Variants in HIVEP2 observed in about 807,000 individuals in gnomAD.
The protein encoded by HIVEP2 is HIVEP zinc finger 2, also known as transcription factor HIVEP2.
HIVEP2 carries 14 observed loss-of-function variants against 180.7 expected under a neutral mutation model. The ratio of observed to expected loss-of-function variants is 0.08; its 90% CI spans 0.05 to 0.12. HIVEP2 has a LOEUF of 0.12. Among genes scored for constraint, HIVEP2 ranks in the 10% least tolerant of loss-of-function variants. The pLI is 1.00. For synonymous variants in HIVEP2, 1,184 were observed against 1,136.4 expected (o/e 1.04, Z -0.84); for missense variants, 2,579 against 3,008.5 (o/e 0.86, Z 3.34).
intron 3 of HIVEP2, among the ~76,000 whole-genome samples, chr6:142,778,182 G>A (rs1056666326): frequency 2.0e-5 from 3 of 152,198 alleles, no homozygotes; most frequent in African/African-American, 7.2e-5. Flanking sequence ...ATTTTTTGCT[G>A]TGCAATAATT....
chr6:142,768,539 G>A lies in HIVEP2; in HGVS notation c.5188-3C>T. On this transcript the variant is annotated splice_polypyrimidine_tract_variant and splice_region_variant and intron_variant, in intron 5 of 9. Transcript: ENST00000367603. ...AAAAAGGACGCATCAGGTTTCATCT[G>A]TAAGACAAGAAGAGAGAATCATTTC... The A allele has an allele frequency of 6.2e-7, 1 of 1,612,338 alleles. No individual in the cohort carries two copies. The highest frequency in any genetic ancestry group is 1.1e-5 in the South Asian group (1 of 90,852).
Position 142,851,628 on chromosome 6 carries a change from G to A in HIVEP2, c.-640-14581C>T, listed in dbSNP as rs151211104. ...ACAGCCTCACTGTAAGTGCTGGAGA[G>A]AGTTTTTTAATCCTTTAAGCCTGAG... On this transcript the variant is annotated intron_variant, in intron 1 of 9. Transcript: ENST00000367603. Among the ~76,000 whole-genome samples the A allele has an allele frequency of 1.4e-4, 22 of 152,348 alleles. No individual in the cohort carries two copies. In the East Asian group the frequency reaches 4.0e-3, roughly 28 times the overall value.
At chr6:142,837,880 T>C (rs1297540122) in intron 1 of HIVEP2, among the ~76,000 whole-genome samples, 1 of 152,068 alleles carries the variant, frequency 6.6e-6, no homozygotes, top group Non-Finnish European at 1.5e-5. Context: ...CTTCCCAAGG[T>C]AGACTTAGTA....
At chr6:142,872,251 T>C (rs1562273478) in intron 1 of HIVEP2, among the ~76,000 whole-genome samples, 1 of 152,200 alleles carries the variant, frequency 6.6e-6, no homozygotes. Context: ...CACTGAGAGC[T>C]TAGTAATTAA....
intron 2 of HIVEP2, among the ~76,000 whole-genome samples, chr6:142,820,712 T>A (rs1015574246): frequency 3.9e-5 from 6 of 152,316 alleles, no homozygotes; most frequent in African/African-American, 9.6e-5. Flanking sequence ...ATTTGAGCTA[T>A]ACCATCTGTC....
intron 1 of HIVEP2, among the ~76,000 whole-genome samples, chr6:142,923,547 A>G (rs551084075): frequency 6.6e-6 from 1 of 152,330 alleles, no homozygotes; most frequent in African/African-American, 2.4e-5. Context: ...GATTCCAAAT[A>G]ATATTCCAAT....
At chr6:142,926,192 A>G (rs1777805330) in intron 1 of HIVEP2, among the ~76,000 whole-genome samples, 1 of 152,252 alleles carries the variant, frequency 6.6e-6, no homozygotes, top group Non-Finnish European at 1.5e-5. Flanking sequence ...GTCTACCTCT[A>G]GCAAAATAAT....
At chr6:142,942,327 G>C (rs957533751) in intron 1 of HIVEP2, among the ~76,000 whole-genome samples, 9 of 151,694 alleles carry the variant, frequency 5.9e-5, no homozygotes. Context: ...TCTGGAATAA[G>C]ATTTTTCATT....
At chr6:142,858,633 C>T (rs1775890229) in intron 1 of HIVEP2, among the ~76,000 whole-genome samples, 1 of 151,790 alleles carries the variant, frequency 6.6e-6, no homozygotes, top group Non-Finnish European at 1.5e-5. Context: ...CTCTCGTTGC[C>T]CAGGCTGGAG....
At chr6:142,933,509 T>C (rs961454591) in intron 1 of HIVEP2, among the ~76,000 whole-genome samples, 5 of 152,172 alleles carry the variant, frequency 3.3e-5, no homozygotes, top group Non-Finnish European at 7.3e-5. Context: ...CCGACAAGAA[T>C]ATAGGAAAAG....
intron 2 of HIVEP2, among the ~76,000 whole-genome samples, chr6:142,790,884 C>A (rs1462990291): frequency 6.6e-6 from 1 of 152,172 alleles, no homozygotes; most frequent in African/African-American, 2.4e-5. Flanking sequence ...TCCCACATTT[C>A]ATGCTACAAA....
intron 3 of HIVEP2, among the ~76,000 whole-genome samples, chr6:142,777,648 CAAAAAAAAAAAAAAAAAAAAAAAAAA>C (rs58304452): frequency 3.6e-5 from 1 of 27,674 alleles, no homozygotes; most frequent in Non-Finnish European, 5.7e-5. Context: ...AACTCCATCT[CAAAAAAAAAAAAAAAAAAAAAAAAAA>C]AAAAAAAAAA....
chr6:142,914,086 A>T lies in HIVEP2; in HGVS notation c.-641+31013T>A, dbSNP rs188454677. On this transcript the variant is annotated intron_variant, in intron 1 of 9. Transcript: ENST00000367603. ...ATGGGCTCTGGCAGCAGCCCCTTGA[A>T]GCAGAACCTGAGCTAACACTGCGTA... is the stretch of plus-strand genomic sequence containing the variant. 1.8e-3 allele frequency among the ~76,000 whole-genome samples: 274 copies of T among 152,236 alleles called. 1 individual carries two copies. The highest frequency in any genetic ancestry group is 6.4e-3 in the African/African-American group (266 of 41,554).
chr6:142,780,771 C>T (rs1775839410), intron 3 of HIVEP2, among the ~76,000 whole-genome samples: 1 of 152,122 alleles, frequency 6.6e-6, no homozygotes, highest in Admixed American at 6.5e-5. Flanking sequence ...TGCTACTCCA[C>T]TCATGTTATA....
At position 142,772,699 on chromosome 6, in the gene HIVEP2, T is replaced by G; in HGVS notation, c.2040A>C (p.Pro680=). 2 of 1,614,238 alleles carry G rather than the reference T, an allele frequency of 1.2e-6. No homozygotes were observed. Among genetic ancestry groups the G allele is most frequent in the Non-Finnish European group, 1.7e-6 (2 of 1,180,042 alleles). Residue 680 remains proline, a synonymous_variant, in exon 5 of 10, where the codon CCA becomes CCC. Transcript: ENST00000367603. The surrounding 1 kb of genome is among the most constrained non-coding windows in gnomAD (Gnocchi z 4.9). Reference sequence around the variant, plus strand: ...CAAACATGCTTGGTACTCCCTGCAATGGCACCACGGGATCCATGAAATATT... The same window carrying G: ...CAAACATGCTTGGTACTCCCTGCAAGGGCACCACGGGATCCATGAAATATT... ...GGEYFMDPVV[P]LQGVPSMFGT...
rs759286792 is a variant in HIVEP2, at chr6:142,770,553, C to T, written c.4186G>A (p.Gly1396Arg). The T allele has an allele frequency of 3.7e-6, 6 of 1,614,194 alleles. No homozygotes were observed. The highest frequency in any genetic ancestry group is 8.5e-7 in the Non-Finnish European group (1 of 1,180,042). ...GIGFNIAQVL[G>R]QHAGLEKYPI... is the part of the protein sequence containing the mutation. ...TACTTCTCCAAGCCCGCATGCTGCC[C>T]CAGCACCTGGGCAATGTTGAATCCT... is the stretch of plus-strand genomic sequence containing the variant. The change falls in exon 5 of 10, where the codon GGG (glycine) becomes AGG (arginine). Residue 1396 changes from glycine (G) to arginine (R), a missense_variant. By Grantham distance (125) the Gly-to-Arg change is moderately radical. This residue lies in a region of HIVEP2 where 523 missense variants were observed against 577.0 expected (regional missense o/e 0.91). Transcript: ENST00000367603. This position sits in a 1 kb window ranked among gnomAD's most constrained non-coding sequence, Gnocchi z 4.7.
chr6:142,945,510 G>C (rs567929361), upstream of HIVEP2, among the ~76,000 whole-genome samples: 114 of 152,242 alleles, frequency 7.5e-4, no homozygotes, highest in African/African-American at 2.5e-3. The surrounding 1 kb of genome is among the most constrained non-coding windows in gnomAD (Gnocchi z 5.5). Flanking sequence ...GAGGGACCTA[G>C]ATTCCCGCCG....
At chr6:142,945,708 T>C (rs2128442963), upstream of HIVEP2, among the ~76,000 whole-genome samples, 1 of 152,146 alleles carries the variant, frequency 6.6e-6, no homozygotes, top group East Asian at 1.9e-4. This position sits in a 1 kb window ranked among gnomAD's most constrained non-coding sequence, Gnocchi z 5.5. Flanking sequence ...CGAAGATGTT[T>C]GTGCGGAGAC....
intron 1 of HIVEP2, among the ~76,000 whole-genome samples, chr6:142,900,205 T>G (rs1218621959): frequency 1.3e-5 from 2 of 152,154 alleles, no homozygotes; most frequent in African/African-American, 2.4e-5. Flanking sequence ...GACAGGAACG[T>G]GGGCAAATCA....
Sources: allele counts gnomAD v4.1 joint callset (sites outside exome capture counted in the v4.1 genomes callset), GRCh38; gene constraint gnomAD v4.1.1; regional missense constraint gnomAD v4.1.1; non-coding constraint Gnocchi (gnomAD v3.1); transcripts MANE v1.5; gene names NCBI Gene and HGNC (gene_info 2026-07-23, HGNC 2026-07-21).